RBPMS: variants seen among roughly 807,000 people sequenced by gnomAD.
RBPMS encodes the protein RNA binding protein, mRNA processing factor.
A neutral mutation model predicts 26.8 loss-of-function variants in RBPMS; 7 were observed. That is an observed-to-expected ratio of 0.26 (90% CI 0.15 to 0.49). The LOEUF is 0.49. Ranked by LOEUF, RBPMS falls within the 20% of genes least tolerant of loss-of-function variation. RBPMS has a pLI of 0.98. For synonymous variants in RBPMS, 96 were observed against 93.3 expected (o/e 1.03, Z -0.17); for missense variants, 186 against 250.0 (o/e 0.74, Z 1.73).
At chr8:30,539,657 G>A (rs2979512) in intron 5 of RBPMS, among the ~76,000 whole-genome samples, 29,182 of 147,348 alleles carry the variant, frequency 0.2, 3,076 homozygotes, top group South Asian at 0.38. Flanking sequence ...ACAGAGTCTC[G>A]CTCTGTCGCC....
intron 1 of RBPMS, among the ~76,000 whole-genome samples, chr8:30,460,786 G>A (rs1195445881): frequency 1.3e-5 from 2 of 152,162 alleles, no homozygotes; most frequent in Non-Finnish European, 2.9e-5. Flanking sequence ...GCTGGGTGTG[G>A]TGGCTCACGC....
intron 1 of RBPMS, among the ~76,000 whole-genome samples, chr8:30,427,161 A>G (rs1811455166): frequency 6.6e-6 from 1 of 152,114 alleles, no homozygotes; most frequent in Admixed American, 6.6e-5. Flanking sequence ...CGGTGAATTC[A>G]GCTATTGTTC....
chr8:30,456,776 C>T (rs772843357), intron 1 of RBPMS, among the ~76,000 whole-genome samples: 7 of 152,120 alleles, frequency 4.6e-5, no homozygotes, highest in Non-Finnish European at 7.4e-5. Context: ...CAAAAATTAG[C>T]TGGGCATGGT....
chr8:30,462,441 G>A (rs1816023982), intron 1 of RBPMS, among the ~76,000 whole-genome samples: 1 of 150,810 alleles, frequency 6.6e-6, no homozygotes, highest in Non-Finnish European at 1.5e-5. Context: ...TTTGTTTTTT[G>A]GAGACAGGGT....
intron 4 of RBPMS, among the ~76,000 whole-genome samples, chr8:30,495,344 C>T (rs1213067698): frequency 1.3e-5 from 2 of 150,868 alleles, no homozygotes; most frequent in African/African-American, 2.4e-5. Flanking sequence ...TATGTGGTAA[C>T]CTAACACTTC....
intron 1 of RBPMS, among the ~76,000 whole-genome samples, chr8:30,447,394 G>A (rs1813994577): frequency 6.6e-6 from 1 of 152,180 alleles, no homozygotes; most frequent in South Asian, 2.1e-4. Flanking sequence ...ATATATTAGA[G>A]GAAGTTAGCG....
intron 5 of RBPMS, among the ~76,000 whole-genome samples, chr8:30,541,485 T>C (rs1478506580): frequency 6.6e-6 from 1 of 152,146 alleles, no homozygotes; most frequent in African/African-American, 2.4e-5. Context: ...TGTAGCCAGA[T>C]TGGTGCAATG....
chr8:30,497,660 A>G (rs1287553102), intron 4 of RBPMS, among the ~76,000 whole-genome samples: 1 of 151,948 alleles, frequency 6.6e-6, no homozygotes, highest in East Asian at 1.9e-4. Flanking sequence ...TCTGTCGCCC[A>G]GGCTGGAGTG....
At chr8:30,513,072 C>A (rs1035496252) in intron 5 of RBPMS, among the ~76,000 whole-genome samples, 4 of 146,726 alleles carry the variant, frequency 2.7e-5, no homozygotes, top group Non-Finnish European at 6.0e-5. Context: ...CTTTTTCTTG[C>A]CTCCAGTCTT....
Position 30,533,789 on chromosome 8 carries a change from G to GT in RBPMS, c.398-10699dup, listed in dbSNP as rs552373270. 1.6e-3 allele frequency among the ~76,000 whole-genome samples: 245 copies of GT among 152,158 alleles called. 3 individuals are homozygous for GT. The highest frequency in any genetic ancestry group is 3.4e-3 in the Middle Eastern group (1 of 294). On this transcript the variant is annotated intron_variant, in intron 5 of 8. Coordinates refer to ENST00000397323, the MANE Select transcript of RBPMS (RefSeq NM_001008710.3). The stretch of plus-strand genomic sequence containing the variant: ...TAATTTTTGCTTGTACACAAATCAG[G>GT]TTTTTTCCCCCCACCAGAATGCCAG...
chr8:30,413,726 G>A (rs1809724083), intron 1 of RBPMS, among the ~76,000 whole-genome samples: 1 of 152,152 alleles, frequency 6.6e-6, no homozygotes, highest in African/African-American at 2.4e-5. Flanking sequence ...CAATTCTCCT[G>A]CCTCAGCCTC....
At chr8:30,443,372 A>G (rs890811476) in intron 1 of RBPMS, among the ~76,000 whole-genome samples, 2 of 152,240 alleles carry the variant, frequency 1.3e-5, no homozygotes, top group African/African-American at 4.8e-5. Flanking sequence ...GTTGCGTAGT[A>G]TAGTGGTTAA....
In RBPMS at chr8:30,531,804, A is replaced by G. The variant is rs146437502; in HGVS notation, c.398-12690A>G. Among the ~76,000 whole-genome samples the G allele has an allele frequency of 2.2e-4, 34 of 152,300 alleles. No homozygotes were observed. The East Asian group carries it at 6.2e-3, about 28-fold the overall frequency. On this transcript the variant is annotated intron_variant, in intron 5 of 8. Transcript: ENST00000397323. The stretch of plus-strand genomic sequence containing the variant: ...TTTGTGATTTTTAGAAGGCAAAGAG[A>G]TGGAGAGTAAAAGGAAGATAAAATA...
intron 5 of RBPMS, among the ~76,000 whole-genome samples, chr8:30,538,554 C>T (rs1825052705): frequency 6.6e-6 from 1 of 152,186 alleles, no homozygotes; most frequent in Admixed American, 6.5e-5. Context: ...CCGCGCCCGG[C>T]AACAATCTTT....
chr8:30,481,902 T>C (rs976804446), intron 4 of RBPMS, among the ~76,000 whole-genome samples: 3 of 152,242 alleles, frequency 2.0e-5, no homozygotes, highest in African/African-American at 7.2e-5. Flanking sequence ...TAAGTCAGCA[T>C]GTGTAAGTTT....
intron 6 of RBPMS, chr8:30,556,008 C>T (rs946030813): frequency 1.2e-4 from 115 of 985,222 alleles, no homozygotes; most frequent in Non-Finnish European, 1.3e-4. Context: ...CAGACTTGGC[C>T]AGGGGGGCAC....
chr8:30,544,195 T>C (rs1825671392), intron 5 of RBPMS, among the ~76,000 whole-genome samples: 1 of 152,202 alleles, frequency 6.6e-6, no homozygotes, highest in Non-Finnish European at 1.5e-5. Flanking sequence ...AAATTCCCAC[T>C]GTTTTGGGTT....
At chr8:30,500,375 G>A (rs1820432587) in intron 4 of RBPMS, among the ~76,000 whole-genome samples, 1 of 150,480 alleles carries the variant, frequency 6.6e-6, no homozygotes, top group South Asian at 2.1e-4. Flanking sequence ...TCTAGCCATG[G>A]ACATCTTTCT....
At chr8:30,449,302 C>T (rs1435498276) in intron 1 of RBPMS, among the ~76,000 whole-genome samples, 2 of 151,456 alleles carry the variant, frequency 1.3e-5, no homozygotes, top group African/African-American at 4.9e-5. Context: ...TATCCTGAAG[C>T]AACTTGAATA....
Sources: allele counts gnomAD v4.1 joint callset (sites outside exome capture counted in the v4.1 genomes callset), GRCh38; gene constraint gnomAD v4.1.1; transcripts MANE v1.5; gene names NCBI Gene and HGNC (gene_info 2026-07-23, HGNC 2026-07-21).